Variants in KCNAB2 observed in about 807,000 individuals in gnomAD.
KCNAB2 encodes the protein voltage-gated potassium channel subunit beta-2.
A neutral mutation model predicts 63.6 loss-of-function variants in KCNAB2; 29 were observed. That is an observed-to-expected ratio of 0.46 (90% CI 0.34 to 0.62). KCNAB2 has a LOEUF of 0.62. Among genes scored for constraint, KCNAB2 ranks in the 20% least tolerant of loss-of-function variants. The pLI is 0.01. For missense variants in KCNAB2, 359 were observed against 563.9 expected (o/e 0.64, Z 3.68); for synonymous variants, 222 against 224.2 (o/e 0.99, Z 0.09).
chr1:6,089,071 C>T lies in KCNAB2; in HGVS notation c.514+20C>T. The T allele has an allele frequency of 6.5e-7, 1 of 1,547,250 alleles. No individual in the cohort carries two copies. The highest frequency in any genetic ancestry group is 8.7e-7 in the Non-Finnish European group (1 of 1,145,648). Reference sequence around the variant, plus strand: ...TCGAAGGTGAGGACGCGCTCGGGCACCTCAGGGCCCCCATACCTGTGGGAT... The same window carrying T: ...TCGAAGGTGAGGACGCGCTCGGGCATCTCAGGGCCCCCATACCTGTGGGAT... On this transcript the variant is annotated intron_variant, in intron 8 of 15. Coordinates refer to ENST00000378083, the MANE Select transcript of KCNAB2 (RefSeq NM_001199862.2).
Position 6,069,436 on chromosome 1 carries a change from G to A in KCNAB2, c.219-3319G>A, listed in dbSNP as rs1184610485. Reference sequence around the variant, plus strand: ...GCAGCAGCCGGGGGCTCCACGATGGGCATCAGTGCTCCCCTCCGGCAGAGG... The same window carrying A: ...GCAGCAGCCGGGGGCTCCACGATGGACATCAGTGCTCCCCTCCGGCAGAGG... On this transcript the variant is annotated intron_variant, in intron 2 of 15. Coordinates refer to ENST00000378083, the MANE Select transcript of KCNAB2 (RefSeq NM_001199862.2). The surrounding 1 kb of genome is among the most constrained non-coding windows in gnomAD (Gnocchi z 5.4). Among the ~76,000 whole-genome samples, 1 of 152,132 alleles carries A rather than the reference G, an allele frequency of 6.6e-6. No individual in the cohort carries two copies. Among genetic ancestry groups the A allele is most frequent in the Non-Finnish European group, 1.5e-5 (1 of 68,030 alleles).
At chr1:6,004,639 T>G (rs1331987893) in intron 1 of KCNAB2, among the ~76,000 whole-genome samples, 2 of 150,802 alleles carry the variant, frequency 1.3e-5, no homozygotes, top group African/African-American at 4.9e-5. Context: ...CCTCTTTTTA[T>G]ATGGACACTT....
At chr1:6,043,360 A>C (rs1297297207), upstream of KCNAB2, among the ~76,000 whole-genome samples, 1 of 152,130 alleles carries the variant, frequency 6.6e-6, no homozygotes, top group African/African-American at 2.4e-5. Context: ...ACCAAGTGAG[A>C]GCCTTCCAGC....
intron 4 of KCNAB2, among the ~76,000 whole-genome samples, chr1:6,080,471 A>T (rs1467327029): frequency 6.6e-6 from 1 of 152,200 alleles, no homozygotes; most frequent in Non-Finnish European, 1.5e-5. Context: ...GAGCTGCAGC[A>T]GGAAGACAAC....
intron 5 of KCNAB2, among the ~76,000 whole-genome samples, chr1:6,084,686 G>A (rs148422227): frequency 6.6e-6 from 1 of 151,860 alleles, no homozygotes; most frequent in East Asian, 1.9e-4. Context: ...CGTGGTGGCA[G>A]GTGCCTGTAG....
At chr1:6,023,394 G>A (rs534821810) in intron 1 of KCNAB2, among the ~76,000 whole-genome samples, 1 of 151,458 alleles carries the variant, frequency 6.6e-6, no homozygotes, top group Non-Finnish European at 1.5e-5. Context: ...CATAGTGGCT[G>A]TACCATTTTA....
At chr1:5,992,899 C>G (rs1656591535) in intron 1 of KCNAB2, 1 of 152,412 alleles carries the variant, frequency 6.6e-6, no homozygotes, top group Non-Finnish European at 1.5e-5. Flanking sequence ...GGTCCCGTCT[C>G]CATCTCTTCT....
chr1:6,068,545 T>C (rs1258648115), intron 2 of KCNAB2, among the ~76,000 whole-genome samples: 1 of 152,198 alleles, frequency 6.6e-6, no homozygotes, highest in Non-Finnish European at 1.5e-5. Flanking sequence ...CTTGCTGCTG[T>C]CACGGCGGGA....
chr1:6,084,038 T>C (rs1664440485), intron 5 of KCNAB2, among the ~76,000 whole-genome samples: 1 of 152,188 alleles, frequency 6.6e-6, no homozygotes, highest in Non-Finnish European at 1.5e-5. Flanking sequence ...GAATTTTCTG[T>C]GTGTCTTGAC....
At chr1:6,008,681 A>G (rs1352830397) in intron 1 of KCNAB2, among the ~76,000 whole-genome samples, 1 of 151,296 alleles carries the variant, frequency 6.6e-6, no homozygotes, top group East Asian at 1.9e-4. Context: ...TGCTCCTGGT[A>G]TCAACAGAAC....
chr1:6,030,444 C>T (rs1659504385), upstream of KCNAB2, among the ~76,000 whole-genome samples: 1 of 148,452 alleles, frequency 6.7e-6, no homozygotes, highest in African/African-American at 2.5e-5. Context: ...ATTCACCCCT[C>T]CAACGTGTGT....
At chr1:6,033,294 G>A (rs539165999), upstream of KCNAB2, among the ~76,000 whole-genome samples, 1 of 130,834 alleles carries the variant, frequency 7.6e-6, no homozygotes, top group African/African-American at 2.5e-5. Context: ...TGGGCATGTG[G>A]GTGTGCATAT....
intron 1 of KCNAB2, among the ~76,000 whole-genome samples, chr1:6,050,391 C>T (rs558780734): frequency 1.1e-4 from 17 of 152,356 alleles, no homozygotes; most frequent in Middle Eastern, 6.8e-3. Flanking sequence ...CTGGGGACCT[C>T]CTTTGTGTTG....
At chr1:6,041,567 G>A (rs573443955), upstream of KCNAB2, 8 of 516,584 alleles carry the variant, frequency 1.5e-5, no homozygotes, top group South Asian at 1.8e-4. Context: ...CGGAAAACAG[G>A]GCCTGGCATG....
At position 6,028,581 on chromosome 1, in the gene KCNAB2, C is replaced by A. The variant is rs1659368741; in HGVS notation, c.-52-11936C>A. Among the ~76,000 whole-genome samples, 1 of 152,220 alleles carries A rather than the reference C, an allele frequency of 6.6e-6. No homozygotes were observed. Among genetic ancestry groups the A allele is most frequent in the Non-Finnish European group, 1.5e-5 (1 of 68,038 alleles). On this transcript the variant is annotated intron_variant, in intron 1 of 16. Coordinates refer to the KCNAB2 transcript ENST00000341524. The surrounding 1 kb of genome is among the most constrained non-coding windows in gnomAD (Gnocchi z 4.0). ...TTCTGCGATGTTCACTAGGCATTAC[C>A]ACATGCTGGTGGCCGCTCTGGGTGC...
rs115586427 is a variant in KCNAB2 at position 6,079,061 on chromosome 1, C to T, written c.301-3134C>T. Among the ~76,000 whole-genome samples the T allele has an allele frequency of 3.7e-3, 565 of 152,298 alleles. 2 individuals carry two copies. The highest frequency in any genetic ancestry group is 0.014 in the Middle Eastern group (4 of 294). ...GCCGCGGCAGGGGCTGAACTTCAGG[C>T]TCCAGTGATGGGAGGATTAGTCAAG... On this transcript the variant is annotated intron_variant, in intron 4 of 15. Coordinates refer to ENST00000378083, the MANE Select transcript of KCNAB2 (RefSeq NM_001199862.2).
chr1:6,049,513 C>T (rs781097430), intron 1 of KCNAB2, among the ~76,000 whole-genome samples: 22 of 152,202 alleles, frequency 1.4e-4, no homozygotes, highest in African/African-American at 4.1e-4. Flanking sequence ...CCCCCACCCC[C>T]GGGAGCCATG....
Position 6,086,471 on chromosome 1 carries a change from C to A in KCNAB2, c.426-996C>A. ...CTCTGCCAGAGCTCTGTGGCCGATG[C>A]TTCGGGGCAGAGGAGGCCTCCTACT... On this transcript the variant is annotated intron_variant, in intron 6 of 15. Coordinates refer to ENST00000378083, the MANE Select transcript of KCNAB2 (RefSeq NM_001199862.2). The surrounding 1 kb of genome is among the most constrained non-coding windows in gnomAD (Gnocchi z 4.2). 1 of 805,032 alleles carries A rather than the reference C, an allele frequency of 1.2e-6. No individual in the cohort carries two copies. Among genetic ancestry groups the A allele is most frequent in the Non-Finnish European group, 1.5e-6 (1 of 665,360 alleles). The allele number at this position is 805,032 out of a possible 1,614,324, so 49.9% of individuals were successfully genotyped here.
upstream of KCNAB2, among the ~76,000 whole-genome samples, chr1:6,030,287 C>G (rs1379817183): frequency 6.6e-6 from 1 of 152,154 alleles, no homozygotes; most frequent in African/African-American, 2.4e-5. Flanking sequence ...TGGGGTGGCT[C>G]TTGCATATGT....
Sources: gnomAD v4.1 joint callset for allele counts (sites outside exome capture counted in the v4.1 genomes callset) on GRCh38, gnomAD v4.1.1 for gene constraint, Gnocchi (gnomAD v3.1) non-coding constraint, MANE v1.5 for transcripts, NCBI Gene and HGNC (gene_info 2026-07-23, HGNC 2026-07-21) for gene names.